Variants in NME7 observed in about 807,000 individuals in gnomAD.
NME7 encodes the protein NME/NM23 family member 7, also known as nucleoside diphosphate kinase 7.
NME7 carries 41 observed loss-of-function variants against 49.1 expected under a neutral mutation model. The ratio of observed to expected loss-of-function variants is 0.83; its 90% confidence interval spans 0.65 to 1.08. The LOEUF (loss-of-function observed/expected upper bound fraction) is 1.08. Among genes scored for constraint, NME7 ranks in the 50% least tolerant of loss-of-function variants. The pLI is 0.00. For missense variants in NME7, 423 were observed against 463.4 expected (o/e 0.91, Z 0.80); for synonymous variants, 139 against 150.6 (o/e 0.92, Z 0.56).
chr1:169,355,134 TATA>T lies in NME7; in HGVS notation c.3+12571_3+12573del, dbSNP rs1175789485. 5.0e-3 allele frequency among the ~76,000 whole-genome samples: 186 copies of T among 36,958 alleles called. 14 individuals are homozygous for T. The highest frequency in any genetic ancestry group is 8.4e-3 in the East Asian group (6 of 718). The allele number at this position is 36,958 out of a possible 152,430, so 24.2% of individuals were successfully genotyped here. A position where few individuals can be genotyped will look rare whatever the true frequency, so the allele number is the denominator to read the frequency against. ...TATATAATATACTATATATTATAGATATAATATATAATATACTATATATTATAG... is the reference window on the plus strand; with the variant it reads ...TATATAATATACTATATATTATAGATATATATAATATACTATATATTATAG... On this transcript the variant is annotated intron_variant, in intron 1 of 11. Transcript: ENST00000367811.
chr1:169,179,443 C>A (rs1659862926), intron 10 of NME7, among the ~76,000 whole-genome samples: 3 of 152,288 alleles, frequency 2.0e-5, no homozygotes, highest in South Asian at 4.1e-4. Flanking sequence ...TTTGACCCAG[C>A]AATCCCATTA....
intron 11 of NME7, among the ~76,000 whole-genome samples, chr1:169,137,257 TGCTC>T (rs1209296430): frequency 6.6e-6 from 1 of 152,254 alleles, no homozygotes; most frequent in Non-Finnish European, 1.5e-5. Flanking sequence ...TTTGGTTTAA[TGCTC>T]TGCTGCTGCT....
intron 11 of NME7, among the ~76,000 whole-genome samples, chr1:169,167,506 A>C (rs1659451244): frequency 1.3e-5 from 2 of 152,242 alleles, no homozygotes; most frequent in South Asian, 4.1e-4. Flanking sequence ...CAAAAATTTT[A>C]AAATCTATAA....
At chr1:169,360,126 C>T (rs1571421046) in intron 1 of NME7, among the ~76,000 whole-genome samples, 1 of 152,176 alleles carries the variant, frequency 6.6e-6, no homozygotes, top group South Asian at 2.1e-4. Context: ...CAGCAGCAAA[C>T]ATAACTCCCA....
At position 169,286,275 on chromosome 1, in the gene NME7, T is replaced by A. The variant is rs1217609362; in HGVS notation, c.754+1028A>T. The A allele has an allele frequency of 2.6e-5, 4 of 152,272 alleles. No homozygotes were observed. In the East Asian group the frequency reaches 7.7e-4, roughly 29 times the overall value. The allele number at this position is 152,272 out of a possible 1,614,324, so 9.4% of individuals were successfully genotyped here. On this transcript the variant is annotated intron_variant, in intron 7 of 11. Transcript: ENST00000367811. ...TTCAGGTGATGGGAATTCAGTATTTTTTTACTTCATTTTTAATGGTTTTTT... is the reference window on the plus strand; with the variant it reads ...TTCAGGTGATGGGAATTCAGTATTTATTTACTTCATTTTTAATGGTTTTTT...
In NME7 at chr1:169,132,942, T is replaced by TAATCAATC. The variant is rs3060498; in HGVS notation, c.1099-133_1099-126dup. On this transcript the variant is annotated intron_variant, in intron 11 of 11. Coordinates refer to ENST00000367811, the MANE Select transcript of NME7 (RefSeq NM_013330.5). ...ACCCCTTCCCAAAGACACTAAAAGT[T>TAATCAATC]AATCAATCAATCAGAGGCAGAGAAT... The TAATCAATC allele has an allele frequency of 9.6e-6, 6 of 622,210 alleles. No homozygotes were observed. The African/African-American group carries it at 1.1e-4, about 12-fold the overall frequency. 38.5% of individuals were successfully genotyped at this position (622,210 alleles called of 1,614,324 possible). A position where few individuals can be genotyped will look rare whatever the true frequency, so the allele number is the denominator to read the frequency against.
chr1:169,337,973 A>C (rs1257863584), intron 1 of NME7, among the ~76,000 whole-genome samples: 2 of 152,192 alleles, frequency 1.3e-5, no homozygotes, highest in Non-Finnish European at 2.9e-5. Context: ...TTCTTCATAA[A>C]TCTATCTTGT....
rs577563930 is a variant in NME7, at chr1:169,245,048, G to C, written c.755-7361C>G. ...GGAGGCTGAGGCACAAGAATCGCTTGAACCCAGGAGGCAGAGCTTACAGTG... is the reference window on the plus strand; with the variant it reads ...GGAGGCTGAGGCACAAGAATCGCTTCAACCCAGGAGGCAGAGCTTACAGTG... On this transcript the variant is annotated intron_variant, in intron 7 of 11. Transcript: ENST00000367811. Among the ~76,000 whole-genome samples, 4 of 152,192 alleles carry C rather than the reference G, an allele frequency of 2.6e-5. No homozygotes were observed. In the East Asian group the frequency reaches 7.7e-4, roughly 29 times the overall value.
intron 10 of NME7, among the ~76,000 whole-genome samples, chr1:169,207,551 A>G (rs189695493): frequency 8.3e-4 from 127 of 152,210 alleles, no homozygotes; most frequent in Non-Finnish European, 2.1e-4. Flanking sequence ...AAGCAGAAGG[A>G]AAAAAAGAGA....
chr1:169,244,008 CA>C (rs1200509100), intron 7 of NME7, among the ~76,000 whole-genome samples: 1 of 145,778 alleles, frequency 6.9e-6, no homozygotes, highest in Non-Finnish European at 1.5e-5. Flanking sequence ...ATTTAGTTGG[CA>C]TATGTATGTA....
At chr1:169,298,173 GCA>G (rs1251639958) in intron 6 of NME7, among the ~76,000 whole-genome samples, 1 of 152,136 alleles carries the variant, frequency 6.6e-6, no homozygotes. Context: ...AAGCTTGAAA[GCA>G]CAGTGTTACG....
rs766400809 is a variant in NME7, at chr1:169,264,664, T to C, written c.754+22639A>G. Among the ~76,000 whole-genome samples the C allele has an allele frequency of 8.9e-4, 119 of 133,080 alleles. 32 individuals carry two copies. The highest frequency in any genetic ancestry group is 1.8e-3 in the Non-Finnish European group (104 of 56,612). The allele number at this position is 133,080 out of a possible 152,430, so 87.3% of individuals were successfully genotyped here. A position where few individuals can be genotyped will look rare whatever the true frequency, so the allele number is the denominator to read the frequency against. On this transcript the variant is annotated intron_variant, in intron 7 of 11. Coordinates refer to ENST00000367811, the MANE Select transcript of NME7 (RefSeq NM_013330.5). ...GACTTAGATTCATACACAATAATAG[T>C]GGGAGACATCAACACCCTACTGACA...
intron 1 of NME7, among the ~76,000 whole-genome samples, chr1:169,364,933 C>A (rs1653797161): frequency 6.6e-6 from 1 of 152,150 alleles, no homozygotes; most frequent in Non-Finnish European, 1.5e-5. Flanking sequence ...TCTATAATTT[C>A]TTACTATTCA....
chr1:169,208,864 C>T (rs970626227), intron 10 of NME7, among the ~76,000 whole-genome samples: 1 of 151,976 alleles, frequency 6.6e-6, no homozygotes, highest in Non-Finnish European at 1.5e-5. Context: ...ATACAAAGAT[C>T]CATAGATTTA....
In NME7 at chr1:169,303,153, G is replaced by C. The variant is rs1227619546; in HGVS notation, c.432C>G (p.Pro144=). The C allele has an allele frequency of 1.2e-5, 19 of 1,569,414 alleles. No homozygotes were observed. Among genetic ancestry groups the C allele is most frequent in the Non-Finnish European group, 1.6e-5 (19 of 1,152,622 alleles). Residue 144 remains proline, a synonymous_variant, in exon 5 of 12, where the codon CCC becomes CCG. Coordinates refer to ENST00000367811, the MANE Select transcript of NME7 (RefSeq NM_013330.5). ...LDFHVDHQSR[P]FFNELIQFIT... is the part of the protein sequence containing the mutation. The stretch of plus-strand genomic sequence containing the variant: ...CCAAATTAAGGACCTACTTGAAAAA[G>C]GGTCTTGACTGGTGATCTACATGAA...
intron 1 of NME7, among the ~76,000 whole-genome samples, chr1:169,360,188 A>C (rs1411655857): frequency 6.6e-6 from 1 of 152,212 alleles, no homozygotes; most frequent in Non-Finnish European, 1.5e-5. Context: ...TGCTCGCCAC[A>C]CCTTAGAGTA....
At chr1:169,315,481 G>A (rs1651588232) in intron 3 of NME7, among the ~76,000 whole-genome samples, 2 of 151,946 alleles carry the variant, frequency 1.3e-5, no homozygotes, top group Admixed American at 1.3e-4. Flanking sequence ...GGCCAGGCTG[G>A]TCTCCAACTC....
chr1:169,137,176 C>G (rs529898199), intron 11 of NME7, among the ~76,000 whole-genome samples: 2 of 152,308 alleles, frequency 1.3e-5, no homozygotes, highest in East Asian at 3.9e-4. Context: ...CACTTGGGCC[C>G]CTTACAGCCA....
At chr1:169,234,472 G>A (rs1275050511) in intron 9 of NME7, among the ~76,000 whole-genome samples, 1 of 151,956 alleles carries the variant, frequency 6.6e-6, no homozygotes, top group Non-Finnish European at 1.5e-5. Context: ...TACTACCAAA[G>A]AATTATATCA....
Sources: allele counts gnomAD v4.1 joint callset (sites outside exome capture counted in the v4.1 genomes callset), GRCh38; gene constraint gnomAD v4.1.1; transcripts MANE v1.5; gene names NCBI Gene and HGNC (gene_info 2026-07-23, HGNC 2026-07-21).